Variants in GSE1 observed in about 807,000 individuals in gnomAD.
GSE1 encodes Gse1 coiled-coil protein.
GSE1 carries 32 observed loss-of-function variants against 112.6 expected under a neutral mutation model. That is an observed-to-expected ratio of 0.28 (90% CI 0.21 to 0.38). The LOEUF (loss-of-function observed/expected upper bound fraction) is 0.38. GSE1 is among the 10% of genes least tolerant of loss of function. The probability of loss-of-function intolerance (pLI) is 1.00; values close to 1 mark genes in which losing one functional copy is unlikely to be tolerated. For missense variants in GSE1, 2,348 were observed against 1,699.2 expected, an observed-to-expected ratio of 1.38 and a Z score of -6.71; for synonymous variants, 1,115 against 735.6, an observed-to-expected ratio of 1.52 and a Z score of -8.35.
intron 2 of GSE1, among the ~76,000 whole-genome samples, chr16:85,636,517 C>T (rs576186164): frequency 7.9e-5 from 12 of 152,356 alleles, no homozygotes; most frequent in African/African-American, 2.9e-4. Flanking sequence ...TCCCCATTCT[C>T]ATGGAGTCAC....
At chr16:85,658,073 C>G (rs1187243784) in intron 8 of GSE1, among the ~76,000 whole-genome samples, 1 of 152,204 alleles carries the variant, frequency 6.6e-6, no homozygotes, top group Non-Finnish European at 1.5e-5. Flanking sequence ...AAAACACATG[C>G]CCGTTTTCTA....
At position 85,643,877 on chromosome 16, in the gene GSE1, C is replaced by A. The variant is rs74034007; in HGVS notation, c.227-4675C>A. Among the ~76,000 whole-genome samples the A allele has an allele frequency of 6.9e-3, 1,041 of 151,960 alleles. 14 individuals are homozygous for A. Among genetic ancestry groups the A allele is most frequent in the African/African-American group, 0.024 (992 of 41,422 alleles). On this transcript the variant is annotated intron_variant, in intron 2 of 15. Transcript: ENST00000253458. ...AGCCCGGATCATGAGCTCTTGGCAG[C>A]CTCTGCCTGGGTGGGGTGGCGGCTC...
At chr16:85,571,694 A>G (rs7198703) in intron 1 of GSE1, among the ~76,000 whole-genome samples, 68,303 of 152,052 alleles carry the variant, frequency 0.45, 16,223 homozygotes, top group East Asian at 0.61. Flanking sequence ...GGAAGGACTG[A>G]GGGGGAGAAA....
upstream of GSE1, among the ~76,000 whole-genome samples, chr16:85,551,250 A>T (rs1373744803): frequency 6.6e-6 from 1 of 152,208 alleles, no homozygotes; most frequent in Non-Finnish European, 1.5e-5. Flanking sequence ...AGACAGAGAC[A>T]TCCTTTCCTT....
chr16:85,432,495 A>G (rs531726990), intron 2 of GSE1, among the ~76,000 whole-genome samples: 3 of 152,314 alleles, frequency 2.0e-5, no homozygotes, highest in African/African-American at 7.2e-5. Context: ...ATCCCAGAAC[A>G]CACAACTGCA....
intron 1 of GSE1, among the ~76,000 whole-genome samples, chr16:85,241,895 G>A (rs1466824526): frequency 6.6e-6 from 1 of 152,064 alleles, no homozygotes. Context: ...CCCACACTGG[G>A]CATCCTGTCC....
At chr16:85,511,486 C>T (rs1414096298) in intron 2 of GSE1, among the ~76,000 whole-genome samples, 1 of 150,978 alleles carries the variant, frequency 6.6e-6, no homozygotes, top group Admixed American at 6.6e-5. Flanking sequence ...CGAGATTGTG[C>T]CATTGCACTC....
Position 85,668,209 on chromosome 16 carries a change from A to C in GSE1, c.3200A>C (p.Glu1067Ala), listed in dbSNP as rs1399169377. 1.9e-6 allele frequency: 3 copies of C among 1,610,426 alleles called. No individual in the cohort carries two copies. The highest frequency in any genetic ancestry group is 2.5e-6 in the Non-Finnish European group (3 of 1,176,922). ...VDTSVHYNIP[E>A]LQSSSRAPPP... ...ACGTCCGTCCACTACAACATTCCTG[A>C]GCTGCAGTCCTCCAGCCGCGCCCCT... The change falls in exon 14 of 16, where the codon GAG becomes GCG. Residue 1067 changes from glutamate to alanine, a missense_variant. Coordinates refer to ENST00000253458, the MANE Select transcript of GSE1 (RefSeq NM_014615.5).
intron 2 of GSE1, among the ~76,000 whole-genome samples, chr16:85,470,567 A>C (rs144465810): frequency 6.6e-6 from 1 of 152,158 alleles, no homozygotes; most frequent in East Asian, 1.9e-4. Flanking sequence ...CCTTCACCCG[A>C]TGGGGCCAGA....
chr16:85,293,473 G>A (rs2045280279), intron 1 of GSE1, among the ~76,000 whole-genome samples: 1 of 152,166 alleles, frequency 6.6e-6, no homozygotes, highest in Non-Finnish European at 1.5e-5. Flanking sequence ...TTGAACCCGG[G>A]AGGTGGAGGT....
upstream of GSE1, among the ~76,000 whole-genome samples, chr16:85,609,874 C>G (rs948767007): frequency 6.6e-6 from 1 of 152,138 alleles, no homozygotes; most frequent in Admixed American, 6.5e-5. Context: ...CCAGGCCGGT[C>G]TCGAACTCCT....
chr16:85,295,028 G>A (rs1340258898), intron 1 of GSE1, among the ~76,000 whole-genome samples: 1 of 152,032 alleles, frequency 6.6e-6, no homozygotes, highest in Non-Finnish European at 1.5e-5. Flanking sequence ...TAGGATTACA[G>A]ATGGGAGCTA....
chr16:85,484,866 T>C (rs924177894), intron 2 of GSE1, among the ~76,000 whole-genome samples: 2 of 152,234 alleles, frequency 1.3e-5, no homozygotes, highest in Admixed American at 6.5e-5. Flanking sequence ...GTTCACGGTC[T>C]TTGGCCTCCA....
At chr16:85,235,022 A>G in intron 1 of GSE1, among the ~76,000 whole-genome samples, 2 of 151,120 alleles carry the variant, frequency 1.3e-5, no homozygotes, top group East Asian at 3.9e-4. Context: ...TCGCATCCCC[A>G]GGACCCTCAG....
upstream of GSE1, among the ~76,000 whole-genome samples, chr16:85,551,863 T>A (rs2044931235): frequency 1.3e-5 from 2 of 152,174 alleles, no homozygotes; most frequent in African/African-American, 4.8e-5. Flanking sequence ...TAGAGGGAGA[T>A]GTTTACCTTT....
At chr16:85,404,197 C>T (rs567542254) in intron 2 of GSE1, among the ~76,000 whole-genome samples, 8 of 102,520 alleles carry the variant, frequency 7.8e-5, no homozygotes, top group South Asian at 4.1e-4. Flanking sequence ...ACACTCAGGG[C>T]CCCCCTGGAT....
rs116105942 is a variant in GSE1, at chr16:85,548,642, G to A, written c.2465-85272G>A. Among the ~76,000 whole-genome samples the A allele has an allele frequency of 4.1e-3, 622 of 152,210 alleles. 1 individual carries two copies. Among genetic ancestry groups the A allele is most frequent in the African/African-American group, 0.014 (566 of 41,500 alleles). ...GGTACCACATTCTCTAGATTCCTTCGTCCGTGTTGGACACCGAGGTTGATT... is the reference window on the plus strand; with the variant it reads ...GGTACCACATTCTCTAGATTCCTTCATCCGTGTTGGACACCGAGGTTGATT... On this transcript the variant is annotated intron_variant, in intron 2 of 2. Transcript: ENST00000637419.
intron 1 of GSE1, among the ~76,000 whole-genome samples, chr16:85,197,762 C>G (rs1361844326): frequency 6.6e-6 from 1 of 152,182 alleles, no homozygotes; most frequent in Middle Eastern, 3.2e-3. Flanking sequence ...CCTCGTTGGC[C>G]AAGGGACCTA....
chr16:85,206,652 T>G (rs1336659358), intron 1 of GSE1, among the ~76,000 whole-genome samples: 1 of 68,610 alleles, frequency 1.5e-5, no homozygotes. Context: ...CCCCCACCCC[T>G]TCCTCTCCTG....
Sources: gnomAD v4.1 joint callset for allele counts (sites outside exome capture counted in the v4.1 genomes callset) on GRCh38, gnomAD v4.1.1 for gene constraint, MANE v1.5 for transcripts, NCBI Gene and HGNC (gene_info 2026-07-23, HGNC 2026-07-21) for gene names.